LIN9: variants seen among roughly 807,000 people sequenced by gnomAD.
LIN9 encodes the protein protein lin-9 homolog.
Under a neutral mutation model 78.0 loss-of-function variants are expected in LIN9, and 18 were observed. The ratio of observed to expected loss-of-function variants is 0.23; its 90% CI spans 0.16 to 0.34. The LOEUF (loss-of-function observed/expected upper bound fraction) is 0.34. Among genes scored for constraint, LIN9 ranks in the 10% least tolerant of loss-of-function variants. The probability of loss-of-function intolerance (pLI) is 1.00; values close to 1 mark genes in which losing one functional copy is unlikely to be tolerated. For synonymous variants in LIN9, 192 were observed against 215.2 expected (o/e 0.89, Z 0.94); for missense variants, 451 against 644.1 (o/e 0.70, Z 3.25).
intron 11 of LIN9, among the ~76,000 whole-genome samples, chr1:226,240,426 T>A (rs1421658918): frequency 1.3e-5 from 2 of 148,272 alleles, no homozygotes; most frequent in Admixed American, 1.4e-4. Flanking sequence ...TTCACTCCCG[T>A]CACCCAGGCT....
At chr1:226,275,740 G>A (rs58149851) in intron 7 of LIN9, among the ~76,000 whole-genome samples, 35,146 of 150,770 alleles carry the variant, frequency 0.23, 4,388 homozygotes, top group South Asian at 0.33. Flanking sequence ...GCTCTAGGCT[G>A]GGTGCAGCGG....
intron 5 of LIN9, among the ~76,000 whole-genome samples, 186 bp downstream of exon 5, chr1:226,287,478 A>T (rs1490007470): frequency 6.6e-6 from 1 of 152,200 alleles, no homozygotes; most frequent in East Asian, 1.9e-4. Flanking sequence ...TTTCTTCCCC[A>T]AAAAGGATAA....
At chr1:226,272,689 T>C (rs1039387251) in intron 7 of LIN9, among the ~76,000 whole-genome samples, 1 of 151,994 alleles carries the variant, frequency 6.6e-6, no homozygotes, top group African/African-American at 2.4e-5. Flanking sequence ...TCCTTGCTTC[T>C]AGCCCTCCTA....
intron 2 of LIN9, 101 bp from the exon 3 acceptor site, chr1:226,297,914 T>G (rs1044509473): frequency 1.5e-5 from 7 of 461,732 alleles, no homozygotes; most frequent in Admixed American, 1.1e-4. Context: ...CTAAAATATT[T>G]AATATGGAAA....
chr1:226,305,243 G>C (rs1662828798), intron 1 of LIN9, among the ~76,000 whole-genome samples: 1 of 147,978 alleles, frequency 6.8e-6, no homozygotes, highest in Non-Finnish European at 1.5e-5. Context: ...GCTAAGGCAG[G>C]AGCATCGCTT....
chr1:226,287,156 C>G (rs1203100653), intron 5 of LIN9, among the ~76,000 whole-genome samples: 1 of 152,092 alleles, frequency 6.6e-6, no homozygotes, highest in Non-Finnish European at 1.5e-5. Flanking sequence ...AGAACTTTTC[C>G]TCAGTAAATT....
chr1:226,272,973 G>A (rs1660402774), intron 7 of LIN9, among the ~76,000 whole-genome samples: 2 of 152,054 alleles, frequency 1.3e-5, no homozygotes, highest in Non-Finnish European at 2.9e-5. Context: ...TCACCCCCAC[G>A]ACCTGGTGTT....
intron 3 of LIN9, among the ~76,000 whole-genome samples, chr1:226,296,462 C>T (rs1232558102): frequency 6.6e-6 from 1 of 152,028 alleles, no homozygotes; most frequent in Non-Finnish European, 1.5e-5. Flanking sequence ...ATGATAGATA[C>T]CTGATAATTA....
At chr1:226,249,461 C>T (rs945270006) in intron 11 of LIN9, among the ~76,000 whole-genome samples, 3 of 152,114 alleles carry the variant, frequency 2.0e-5, no homozygotes, top group African/African-American at 4.8e-5. Flanking sequence ...TATGATCTTA[C>T]GCTGAAATCA....
At chr1:226,256,882 AAAG>A (rs1659234316) in intron 10 of LIN9, among the ~76,000 whole-genome samples, 2 of 151,978 alleles carry the variant, frequency 1.3e-5, no homozygotes, top group South Asian at 4.2e-4. Context: ...TTTTTAAGTG[AAAG>A]AAAAATACTT....
intron 11 of LIN9, among the ~76,000 whole-genome samples, chr1:226,240,078 C>T (rs1401528090): frequency 1.3e-5 from 2 of 152,146 alleles, no homozygotes; most frequent in Non-Finnish European, 2.9e-5. Flanking sequence ...TAACAGAAAC[C>T]TCAGAGGTCA....
At chr1:226,275,603 G>A (rs1660595308) in intron 7 of LIN9, among the ~76,000 whole-genome samples, 2 of 146,584 alleles carry the variant, frequency 1.4e-5, no homozygotes, top group South Asian at 2.2e-4. Flanking sequence ...TGATGCAGGA[G>A]AATCGCTTGA....
intron 11 of LIN9, among the ~76,000 whole-genome samples, chr1:226,244,778 C>T (rs998704605): frequency 1.2e-4 from 19 of 152,154 alleles, no homozygotes; most frequent in Non-Finnish European, 1.8e-4. Flanking sequence ...TCCTTGTATG[C>T]GCATCTTCTG....
intron 6 of LIN9, among the ~76,000 whole-genome samples, chr1:226,281,644 A>G (rs1288683522): frequency 6.6e-6 from 1 of 152,026 alleles, no homozygotes; most frequent in Non-Finnish European, 1.5e-5. Context: ...TTCTTGACAT[A>G]AGAACCCAGG....
chr1:226,294,429 A>G (rs113158679), intron 4 of LIN9, among the ~76,000 whole-genome samples: 2,178 of 152,078 alleles, frequency 0.014, 48 homozygotes, highest in African/African-American at 0.05. Flanking sequence ...AAAAATACAA[A>G]ATTAGCCAGG....
chr1:226,238,285 A>G (rs1450664040), intron 12 of LIN9, among the ~76,000 whole-genome samples: 1 of 152,190 alleles, frequency 6.6e-6, no homozygotes, highest in East Asian at 1.9e-4. Flanking sequence ...GTATTGTTTA[A>G]AAAACAAAAA....
intron 6 of LIN9, among the ~76,000 whole-genome samples, chr1:226,279,380 G>A (rs1660894218): frequency 6.6e-6 from 1 of 151,758 alleles, no homozygotes; most frequent in Non-Finnish European, 1.5e-5. Context: ...GATCATTTGA[G>A]CCCAGGAAGT....
At chr1:226,280,503 C>T (rs908277125) in intron 6 of LIN9, among the ~76,000 whole-genome samples, 5 of 152,088 alleles carry the variant, frequency 3.3e-5, no homozygotes, top group African/African-American at 1.2e-4. Context: ...TGCGGCCGGG[C>T]GCAGTGGCTC....
intron 6 of LIN9, among the ~76,000 whole-genome samples, chr1:226,283,821 G>A (rs1450208137): frequency 6.6e-6 from 1 of 151,818 alleles, no homozygotes; most frequent in African/African-American, 2.4e-5. Flanking sequence ...GGTGGCGGGC[G>A]CCTGTAGTCC....
Sources: gnomAD v4.1 joint callset for allele counts (sites outside exome capture counted in the v4.1 genomes callset) on GRCh38, gnomAD v4.1.1 for gene constraint, MANE v1.5 for transcripts, NCBI Gene and HGNC (gene_info 2026-07-23, HGNC 2026-07-21) for gene names.